The following TEX26 variants were observed in gnomAD, a reference collection of about 807,000 sequenced individuals.
TEX26 encodes the protein testis-expressed protein 26.
A neutral mutation model predicts 35.3 loss-of-function variants in TEX26; 34 were observed. The observed-to-expected ratio is 0.96, with a 90% CI of 0.73 to 1.28. TEX26 has a LOEUF of 1.28. Ranked by LOEUF, TEX26 falls within the 50% of genes most tolerant of loss-of-function variation. The pLI, the probability that TEX26 is intolerant of heterozygous loss-of-function variation, is 0.00. For missense variants in TEX26, 371 were observed against 330.1 expected, an observed-to-expected ratio of 1.12 and a Z score of -0.96; for synonymous variants, 136 against 111.8, an observed-to-expected ratio of 1.22 and a Z score of -1.36.
At position 30,932,664 on chromosome 13, in the gene TEX26, C is replaced by A; in HGVS notation, c.-52C>A. On this transcript the variant is annotated 5_prime_UTR_variant, in exon 1 of 7. Transcript: ENST00000380473. Reference sequence around the variant, plus strand: ...GTCACAAAGCAGCCCGCGGCTCCCGCAAGCGCTGAGATAGCTGGAGCCAGG... The same window carrying A: ...GTCACAAAGCAGCCCGCGGCTCCCGAAAGCGCTGAGATAGCTGGAGCCAGG... 1 of 1,592,670 alleles carries A rather than the reference C, an allele frequency of 6.3e-7. No homozygotes were observed. The highest frequency in any genetic ancestry group is 8.6e-7 in the Non-Finnish European group (1 of 1,169,332).
At chr13:30,938,924 T>C (rs1010377449) in intron 1 of TEX26, among the ~76,000 whole-genome samples, 2 of 152,296 alleles carry the variant, frequency 1.3e-5, no homozygotes, top group African/African-American at 2.4e-5. Context: ...CCCTCCTTCA[T>C]TGATCTCCCC....
chr13:30,934,906 C>G (rs890255997), intron 1 of TEX26, among the ~76,000 whole-genome samples: 1 of 152,246 alleles, frequency 6.6e-6, no homozygotes, highest in African/African-American at 2.4e-5. Flanking sequence ...GGCTGCAGAC[C>G]TGGGCCTTTC....
intron 1 of TEX26, among the ~76,000 whole-genome samples, chr13:30,934,993 G>GT (rs1258450146): frequency 6.6e-6 from 1 of 152,204 alleles, no homozygotes; most frequent in Non-Finnish European, 1.5e-5. Flanking sequence ...GAGCTCCCTG[G>GT]TGCAGCTGCA....
chr13:30,932,796 C>T lies in TEX26; in HGVS notation c.61+20C>T, dbSNP rs768245821. The T allele has an allele frequency of 2.4e-5, 38 of 1,612,374 alleles. No homozygotes were observed. Among genetic ancestry groups the T allele is most frequent in the Non-Finnish European group, 3.1e-5 (37 of 1,179,302 alleles). On this transcript the variant is annotated intron_variant, in intron 1 of 6. Coordinates refer to ENST00000380473, the MANE Select transcript of TEX26 (RefSeq NM_152325.3). ...AGCCAAGTAAGACAGCAGACTCTGCCGGTCTGCGGGGCGGGGCTGGGGTCT... is the reference window on the plus strand; with the variant it reads ...AGCCAAGTAAGACAGCAGACTCTGCTGGTCTGCGGGGCGGGGCTGGGGTCT...
chr13:30,970,167 G>C (rs1473174044), intron 6 of TEX26, among the ~76,000 whole-genome samples: 1 of 81,080 alleles, frequency 1.2e-5, no homozygotes, highest in African/African-American at 4.8e-5. Flanking sequence ...GGGTGTGTGT[G>C]AGTGTGTGTG....
At position 30,952,912 on chromosome 13, in the gene TEX26, A is replaced by T. The variant is rs571759189; in HGVS notation, c.312+87A>T. 3.3e-5 allele frequency: 39 copies of T among 1,173,926 alleles called. No individual in the cohort carries two copies. The African/African-American group carries it at 5.2e-4, about 16-fold the overall frequency. The allele number at this position is 1,173,926 out of a possible 1,614,324, so 72.7% of individuals were successfully genotyped here. A position where few individuals can be genotyped will look rare whatever the true frequency, so the allele number is the denominator to read the frequency against. The stretch of plus-strand genomic sequence containing the variant: ...ATGAGAGTTTAAATATGTCACAAAG[A>T]TCTCTCAGCTTCTACAGTCACAGGA... On this transcript the variant is annotated intron_variant, in intron 3 of 6. Transcript: ENST00000380473.
chr13:30,954,284 ACAC>A, intron 3 of TEX26, among the ~76,000 whole-genome samples: 2 of 10,150 alleles, frequency 2.0e-4, no homozygotes, highest in East Asian at 2.4e-3. Context: ...CTATACACAC[ACAC>A]ACACACACAC....
intron 3 of TEX26, among the ~76,000 whole-genome samples, chr13:30,955,557 CCTAA>C (rs1357359771): frequency 2.6e-5 from 4 of 152,120 alleles, no homozygotes; most frequent in Admixed American, 1.3e-4. Context: ...AGCGAGTATA[CCTAA>C]CTATTTTGAA....
At chr13:30,969,129 C>A in intron 6 of TEX26, 83 bp downstream of exon 6, 1 of 1,270,656 alleles carries the variant, frequency 7.9e-7, no homozygotes, top group Non-Finnish European at 1.1e-6. Context: ...GTTCTAGCCA[C>A]TGGAGTTGAA....
intron 5 of TEX26, among the ~76,000 whole-genome samples, chr13:30,967,152 G>C (rs1030825302): frequency 6.6e-6 from 1 of 152,186 alleles, no homozygotes; most frequent in Non-Finnish European, 1.5e-5. Context: ...CCGTGACCAA[G>C]CCACCTCCAA....
rs1442285499 is a variant in TEX26 at position 30,956,944 on chromosome 13, C to A, written c.384C>A (p.Ile128=). ...TAAAGAACTGCCTCCCTTGGAAAAT[C>A]CCGGCTTCAATGAAAGAAGTTAACA... ...GTLKNCLPWK[I]PASMKEVNKA... Residue 128 remains isoleucine, a synonymous_variant, in exon 4 of 7, where the codon ATC becomes ATA. Coordinates refer to ENST00000380473, the MANE Select transcript of TEX26 (RefSeq NM_152325.3). The A allele has an allele frequency of 6.2e-7, 1 of 1,614,166 alleles. No individual in the cohort carries two copies. Among genetic ancestry groups the A allele is most frequent in the East Asian group, 2.2e-5 (1 of 44,886 alleles).
At chr13:30,971,938 G>A (rs973216864) in intron 6 of TEX26, among the ~76,000 whole-genome samples, 1 of 152,132 alleles carries the variant, frequency 6.6e-6, no homozygotes, top group Non-Finnish European at 1.5e-5. Flanking sequence ...CATGTAAAAG[G>A]CATTTCTTCC....
At chr13:30,944,288 G>C (rs576060997) in intron 2 of TEX26, among the ~76,000 whole-genome samples, 87 of 151,804 alleles carry the variant, frequency 5.7e-4, no homozygotes, top group African/African-American at 2.1e-3. Flanking sequence ...ATAATTCTGT[G>C]GTGTCAGTTG....
chr13:30,968,453 T>A (rs1954612555), intron 5 of TEX26, among the ~76,000 whole-genome samples: 2 of 152,216 alleles, frequency 1.3e-5, no homozygotes, highest in Admixed American at 1.3e-4. Context: ...CACCCCACTC[T>A]CAAAGACAAC....
intron 1 of TEX26, among the ~76,000 whole-genome samples, chr13:30,936,021 T>C (rs1953261138): frequency 6.6e-6 from 1 of 152,196 alleles, no homozygotes; most frequent in South Asian, 2.1e-4. Flanking sequence ...CTCGAAATCT[T>C]TAATTGCGTG....
intron 4 of TEX26, among the ~76,000 whole-genome samples, chr13:30,961,933 C>T (rs1371380601): frequency 6.6e-6 from 1 of 152,162 alleles, no homozygotes; most frequent in Non-Finnish European, 1.5e-5. Flanking sequence ...CTTTAAAGAA[C>T]AACTATCCTG....
In TEX26 at chr13:30,951,462, AAC is replaced by A. The variant is rs1953919014; in HGVS notation, c.147-1197_147-1196del. On this transcript the variant is annotated intron_variant, in intron 2 of 6. Coordinates refer to ENST00000380473, the MANE Select transcript of TEX26 (RefSeq NM_152325.3). ...ATCATCCAGATGGATGTTTTTTTCT[AAC>A]TTCCTAGATATTTGCTTCTTACAGA... 2.6e-5 allele frequency among the ~76,000 whole-genome samples: 4 copies of A among 152,194 alleles called. No individual in the cohort carries two copies. The South Asian group carries it at 8.3e-4, about 32-fold the overall frequency.
chr13:30,937,049 T>C (rs1953297678), intron 1 of TEX26: 1 of 949,308 alleles, frequency 1.1e-6, no homozygotes, highest in Non-Finnish European at 1.3e-6. Flanking sequence ...TAAAGGAAGA[T>C]GTACCAAAGA....
intron 2 of TEX26, among the ~76,000 whole-genome samples, chr13:30,947,354 G>A (rs921997208): frequency 3.3e-5 from 5 of 151,972 alleles, no homozygotes; most frequent in Non-Finnish European, 5.9e-5. Context: ...AGATTTTAAT[G>A]TTAAGAAACT....
Sources: allele counts gnomAD v4.1 joint callset (sites outside exome capture counted in the v4.1 genomes callset), GRCh38; gene constraint gnomAD v4.1.1; transcripts MANE v1.5; gene names NCBI Gene and HGNC (gene_info 2026-07-23, HGNC 2026-07-21).